SPEF2: variants seen among roughly 807,000 people sequenced by gnomAD.
The protein encoded by SPEF2 is sperm flagellar and cilia associated 2.
A neutral mutation model predicts 224.6 loss-of-function variants in SPEF2; 187 were observed. That is an observed-to-expected ratio of 0.83 (90% CI 0.74 to 0.94). SPEF2 has a LOEUF of 0.94. Among genes scored for constraint, SPEF2 ranks in the 40% least tolerant of loss-of-function variants. The pLI is 0.00. For missense variants in SPEF2, 2,170 were observed against 2,135.6 expected, an observed-to-expected ratio of 1.02 and a Z score of -0.32; for synonymous variants, 715 against 707.3, an observed-to-expected ratio of 1.01 and a Z score of -0.17.
rs765543984 is a variant in SPEF2 at position 35,727,717 on chromosome 5, A to C, written c.2957A>C (p.Lys986Thr). 8.1e-6 allele frequency: 13 copies of C among 1,613,974 alleles called. No homozygotes were observed. The South Asian group carries it at 1.3e-4, about 16-fold the overall frequency. The change falls in exon 21 of 37, where the codon AAG (lysine) becomes ACG (threonine). Residue 986 changes from lysine to threonine, a missense_variant. Lys to Thr is a moderately conservative substitution (Grantham distance 78, BLOSUM62 -1). Coordinates refer to ENST00000356031, the MANE Select transcript of SPEF2 (RefSeq NM_024867.4). ...GKSSGGKVPV[K>T]KSPADSTDTS... ...TCATCAGGAGGAAAAGTACCAGTAAAGAAATCACCTGCTGACTCTACAGAT... is the reference window on the plus strand; with the variant it reads ...TCATCAGGAGGAAAAGTACCAGTAACGAAATCACCTGCTGACTCTACAGAT...
chr5:35,728,120 C>G (rs1034059905), intron 21 of SPEF2, among the ~76,000 whole-genome samples: 1 of 152,214 alleles, frequency 6.6e-6, no homozygotes, highest in African/African-American at 2.4e-5. Flanking sequence ...GGAAGAATGA[C>G]TTCCCCAGAA....
chr5:35,763,327 TAAC>T (rs1751603135), intron 25 of SPEF2, among the ~76,000 whole-genome samples, 192 bp from the exon 26 acceptor site: 2 of 152,222 alleles, frequency 1.3e-5, no homozygotes, highest in Non-Finnish European at 2.9e-5. Context: ...CTCTTCTTAT[TAAC>T]AAGATGTTCT....
intron 2 of SPEF2, among the ~76,000 whole-genome samples, chr5:35,640,982 C>T (rs755981617): frequency 2.4e-4 from 37 of 152,240 alleles, no homozygotes; most frequent in Non-Finnish European, 3.7e-4. Context: ...ATGTTATACA[C>T]GCTTTGTCTG....
chr5:35,711,388 A>G (rs1741097020), intron 19 of SPEF2, among the ~76,000 whole-genome samples: 1 of 152,116 alleles, frequency 6.6e-6, no homozygotes, highest in African/African-American at 2.4e-5. Context: ...TATTTTATTC[A>G]GTTCCATATT....
Position 35,753,923 on chromosome 5 carries a change from G to A in SPEF2, c.3468+162G>A, listed in dbSNP as rs373956021. ...CTCCAACTCACCAAAAAAGCTAGCC[G>A]AAATAATACATTTTGACCCAGCCCA... On this transcript the variant is annotated intron_variant, in intron 24 of 36. Coordinates refer to ENST00000356031, the MANE Select transcript of SPEF2 (RefSeq NM_024867.4). Among the ~76,000 whole-genome samples the A allele has an allele frequency of 9.9e-5, 15 of 152,074 alleles. 1 individual carries two copies. The East Asian group carries it at 1.5e-3, about 16-fold the overall frequency.
rs1360338952 is a variant in SPEF2, at chr5:35,724,431, T to G, written c.2915-3244T>G. Among the ~76,000 whole-genome samples, 6 of 152,014 alleles carry G rather than the reference T, an allele frequency of 3.9e-5. No individual in the cohort carries two copies. In the East Asian group the frequency reaches 1.2e-3, roughly 29 times the overall value. On this transcript the variant is annotated intron_variant, in intron 20 of 36. Transcript: ENST00000356031. The stretch of plus-strand genomic sequence containing the variant: ...AAAGAAAATTGGTATGCAATATAAA[T>G]AAAAATAATCTTAAAATCAATGAGC...
chr5:35,746,690 G>A (rs1323443169), intron 23 of SPEF2, among the ~76,000 whole-genome samples: 2 of 152,016 alleles, frequency 1.3e-5, no homozygotes, highest in Admixed American at 6.6e-5. Flanking sequence ...TGACCAAACC[G>A]AACAATAATT....
At chr5:35,700,300 A>T (rs1181969411) in intron 15 of SPEF2, 196 bp from the exon 16 acceptor site, 3 of 605,226 alleles carry the variant, frequency 5.0e-6, no homozygotes, top group Non-Finnish European at 8.7e-6. Context: ...AGGGCAGCAC[A>T]GTATCCACAG....
intron 2 of SPEF2, among the ~76,000 whole-genome samples, chr5:35,629,202 G>A (rs181667281): frequency 0.025 from 2,975 of 120,820 alleles, 49 homozygotes; most frequent in South Asian, 0.072. Context: ...TGCCCAGGTT[G>A]GAGTGCAGTG....
At chr5:35,725,992 A>T (rs1246443911) in intron 20 of SPEF2, among the ~76,000 whole-genome samples, 5 of 152,220 alleles carry the variant, frequency 3.3e-5, no homozygotes, top group African/African-American at 1.2e-4. Flanking sequence ...CAAACATCTT[A>T]TTAGAAAATG....
In SPEF2 at chr5:35,778,994, G is replaced by A. The variant is rs186126941; in HGVS notation, c.4218-123G>A. Reference sequence around the variant, plus strand: ...GGGACAAATTGAAATTTATAAGCATGCAGATGGAGTTGTCTAAGAGCTATA... The same window carrying A: ...GGGACAAATTGAAATTTATAAGCATACAGATGGAGTTGTCTAAGAGCTATA... On this transcript the variant is annotated intron_variant, in intron 29 of 36. Transcript: ENST00000356031. 1.2e-5 allele frequency: 7 copies of A among 568,158 alleles called. No individual in the cohort carries two copies. In the Admixed American group the frequency reaches 1.9e-4, roughly 15 times the overall value. 35.2% of individuals were successfully genotyped at this position (568,158 alleles called of 1,614,324 possible). A position where few individuals can be genotyped will look rare whatever the true frequency, so the allele number is the denominator to read the frequency against.
intron 21 of SPEF2, among the ~76,000 whole-genome samples, chr5:35,739,183 G>A (rs962791022): frequency 1.3e-5 from 2 of 152,090 alleles, no homozygotes; most frequent in Non-Finnish European, 1.5e-5. Context: ...TTTTTGAAGA[G>A]TCTTCTTATA....
intron 30 of SPEF2, among the ~76,000 whole-genome samples, chr5:35,787,297 T>C (rs571272366): frequency 6.6e-6 from 1 of 151,284 alleles, no homozygotes; most frequent in Non-Finnish European, 1.5e-5. Context: ...AAGTTTGCTG[T>C]GGCATTGCAA....
intron 19 of SPEF2, 152 bp downstream of exon 19, chr5:35,709,273 C>T (rs1740630111): frequency 1.4e-5 from 21 of 1,454,998 alleles, no homozygotes; most frequent in African/African-American, 5.7e-5. Context: ...GAAAAGCCCT[C>T]GGAGTAGCTA....
At chr5:35,750,544 G>A (rs1488511937) in intron 23 of SPEF2, among the ~76,000 whole-genome samples, 1 of 152,048 alleles carries the variant, frequency 6.6e-6, no homozygotes, top group East Asian at 1.9e-4. Context: ...GATATAAATA[G>A]CCAGTTCTCA....
rs190601072 is a variant in SPEF2, at chr5:35,779,400, G to T, written c.4447+54G>T. On this transcript the variant is annotated intron_variant, in intron 30 of 36. Coordinates refer to ENST00000356031, the MANE Select transcript of SPEF2 (RefSeq NM_024867.4). ...CACAAAAAAAGGTTAAGATTAACCAGGACAGAAATCACTTGCCAACAAGTA... is the reference window on the plus strand; with the variant it reads ...CACAAAAAAAGGTTAAGATTAACCATGACAGAAATCACTTGCCAACAAGTA... 20 of 1,386,526 alleles carry T rather than the reference G, an allele frequency of 1.4e-5. No homozygotes were observed. In the East Asian group the frequency reaches 3.2e-4, roughly 22 times the overall value. The allele number at this position is 1,386,526 out of a possible 1,614,324, so 85.9% of individuals were successfully genotyped here.
chr5:35,751,004 T>C (rs1325123430), intron 23 of SPEF2, among the ~76,000 whole-genome samples: 1 of 120,884 alleles, frequency 8.3e-6, no homozygotes, highest in South Asian at 2.8e-4. Context: ...TATGTATATA[T>C]ATATATACGT....
intron 21 of SPEF2, among the ~76,000 whole-genome samples, chr5:35,729,008 C>A (rs1473804633): frequency 2.0e-5 from 3 of 152,014 alleles, no homozygotes; most frequent in African/African-American, 7.2e-5. Context: ...TAAATTCATT[C>A]TTTAACTCCA....
intron 23 of SPEF2, among the ~76,000 whole-genome samples, chr5:35,752,497 A>C (rs1749816907): frequency 6.6e-6 from 1 of 151,892 alleles, no homozygotes; most frequent in Non-Finnish European, 1.5e-5. Flanking sequence ...GGGTTTTGCC[A>C]TGTTGACCAG....
Sources: allele counts gnomAD v4.1 joint callset (sites outside exome capture counted in the v4.1 genomes callset), GRCh38; gene constraint gnomAD v4.1.1; transcripts MANE v1.5; gene names NCBI Gene and HGNC (gene_info 2026-07-23, HGNC 2026-07-21).